KCNIP1: variants seen among roughly 807,000 people sequenced by gnomAD.
The protein encoded by KCNIP1 is potassium voltage-gated channel interacting protein 1.
A neutral mutation model predicts 33.0 loss-of-function variants in KCNIP1; 18 were observed. The ratio of observed to expected loss-of-function variants is 0.55; its 90% CI spans 0.38 to 0.81. KCNIP1 has a LOEUF of 0.81. Ranked by LOEUF, KCNIP1 falls within the 30% of genes least tolerant of loss-of-function variation. The pLI, the probability that KCNIP1 is intolerant of heterozygous loss-of-function variation, is 0.00. For missense variants in KCNIP1, 238 were observed against 271.6 expected (o/e 0.88, Z 0.87); for synonymous variants, 93 against 98.3 (o/e 0.95, Z 0.32).
intron 1 of KCNIP1, among the ~76,000 whole-genome samples, chr5:170,480,644 A>G (rs577230424): frequency 6.6e-6 from 1 of 151,958 alleles, no homozygotes; most frequent in African/African-American, 2.4e-5. Flanking sequence ...GGGTCTCTCC[A>G]TATTTCACAG....
intron 1 of KCNIP1, among the ~76,000 whole-genome samples, chr5:170,484,960 G>T (rs1246069563): frequency 9.0e-6 from 1 of 111,408 alleles, no homozygotes; most frequent in Non-Finnish European, 1.8e-5. Context: ...TTTTTTTTGA[G>T]ATGGAGTTTC....
rs1028778385 is a variant in KCNIP1 at position 170,406,190 on chromosome 5, G to T, written c.88+52226G>T. Among the ~76,000 whole-genome samples the T allele has an allele frequency of 7.2e-5, 11 of 152,318 alleles. No homozygotes were observed. In the South Asian group the frequency reaches 1.0e-3, roughly 14 times the overall value. ...TTTGGCTCTAATATAAGGGAAATTG[G>T]GATCACCATGAGCAGTGAGTTGGTG... On this transcript the variant is annotated intron_variant, in intron 1 of 7. Coordinates refer to the KCNIP1 transcript ENST00000377360.
chr5:170,427,062 G>C (rs1365328001), intron 1 of KCNIP1, among the ~76,000 whole-genome samples: 1 of 152,376 alleles, frequency 6.6e-6, no homozygotes, highest in African/African-American at 2.4e-5. Flanking sequence ...AGGAGGGCTG[G>C]AGCAGGGGCT....
At chr5:170,624,773 G>A (rs1406002242) in intron 1 of KCNIP1, among the ~76,000 whole-genome samples, 1 of 146,850 alleles carries the variant, frequency 6.8e-6, no homozygotes, top group Non-Finnish European at 1.5e-5. Context: ...AGGGGAGTGG[G>A]GGAGAAGGGG....
upstream of KCNIP1, among the ~76,000 whole-genome samples, chr5:170,503,846 C>T (rs961818466): frequency 2.2e-4 from 33 of 152,188 alleles, no homozygotes; most frequent in African/African-American, 7.0e-4. Flanking sequence ...CCGGGTCTGT[C>T]TCTTAGGGTT....
chr5:170,687,626 G>A (rs1581501572), intron 1 of KCNIP1, among the ~76,000 whole-genome samples: 2 of 152,284 alleles, frequency 1.3e-5, no homozygotes, highest in East Asian at 3.9e-4. Context: ...TATTCACTCT[G>A]AGCCATGCCT....
chr5:170,468,832 G>A (rs982369807), intron 1 of KCNIP1, among the ~76,000 whole-genome samples: 2 of 151,646 alleles, frequency 1.3e-5, no homozygotes, highest in African/African-American at 2.4e-5. Context: ...AGCCGAGATC[G>A]CGCCCCTACC....
At chr5:170,392,766 G>T (rs1010551930) in intron 1 of KCNIP1, among the ~76,000 whole-genome samples, 5 of 152,216 alleles carry the variant, frequency 3.3e-5, no homozygotes, top group Non-Finnish European at 7.3e-5. Flanking sequence ...GGAGGTCGCA[G>T]TGAGCTGAGA....
intron 1 of KCNIP1, among the ~76,000 whole-genome samples, chr5:170,398,722 A>C (rs1020012271): frequency 6.6e-6 from 1 of 152,264 alleles, no homozygotes; most frequent in Admixed American, 6.5e-5. Flanking sequence ...TAAGTGGTTC[A>C]GGTCAGGACC....
chr5:170,552,207 C>T (rs1756673646), intron 1 of KCNIP1, among the ~76,000 whole-genome samples: 2 of 152,098 alleles, frequency 1.3e-5, no homozygotes, highest in African/African-American at 4.8e-5. Context: ...CATCTCTTGG[C>T]GTCTGAAATA....
In KCNIP1 at chr5:170,587,900, G is replaced by A. The variant is rs866104041; in HGVS notation, c.61+83267G>A. On this transcript the variant is annotated intron_variant, in intron 1 of 7. Transcript: ENST00000328939. ...ACCTAGCATGGGGGAACCCACTACA[G>A]GCAGGTGTTGTCCTTGCCATCGCCA... Among the ~76,000 whole-genome samples the A allele has an allele frequency of 2.6e-5, 4 of 152,342 alleles. No individual in the cohort carries two copies. In the Middle Eastern group the frequency reaches 0.014, roughly 518 times the overall value.
intron 1 of KCNIP1, among the ~76,000 whole-genome samples, chr5:170,590,835 C>T (rs1385773389): frequency 6.6e-6 from 1 of 152,230 alleles, no homozygotes; most frequent in East Asian, 1.9e-4. Flanking sequence ...ATGTCTGCAT[C>T]TGCATGCATG....
At chr5:170,613,164 C>T (rs1051755470) in intron 1 of KCNIP1, among the ~76,000 whole-genome samples, 1 of 152,218 alleles carries the variant, frequency 6.6e-6, no homozygotes, top group Admixed American at 6.5e-5. Flanking sequence ...GCTTAAATCT[C>T]TCTCCATGTT....
intron 1 of KCNIP1, among the ~76,000 whole-genome samples, chr5:170,682,871 C>T (rs1436345001): frequency 2.1e-5 from 3 of 141,304 alleles, no homozygotes; most frequent in East Asian, 2.4e-4. Flanking sequence ...TCAGGTCATC[C>T]ACCTGCCTTG....
At chr5:170,640,569 G>A (rs917823290) in intron 1 of KCNIP1, among the ~76,000 whole-genome samples, 1 of 152,106 alleles carries the variant, frequency 6.6e-6, no homozygotes, top group East Asian at 1.9e-4. Context: ...TTGTTTAACC[G>A]GTACTTCAGG....
At chr5:170,662,795 G>A (rs1434928110) in intron 1 of KCNIP1, among the ~76,000 whole-genome samples, 1 of 152,140 alleles carries the variant, frequency 6.6e-6, no homozygotes, top group Non-Finnish European at 1.5e-5. Context: ...CTGGCCCAGA[G>A]AATCTTCCTC....
chr5:170,383,817 A>G (rs186269343), intron 1 of KCNIP1: 1 of 1,614,082 alleles, frequency 6.2e-7, no homozygotes, highest in East Asian at 2.2e-5. Context: ...TGTTGGTCTC[A>G]ATCAGGTGGC....
chr5:170,417,733 T>A lies in KCNIP1; in HGVS notation c.88+63769T>A, dbSNP rs560088469. On this transcript the variant is annotated intron_variant, in intron 1 of 7. Coordinates refer to the KCNIP1 transcript ENST00000377360. Reference sequence around the variant, plus strand: ...TCTCTATACGCCACTGACACCTTGATCATGAGTCAAATCACCTGAACATAG... The same window carrying A: ...TCTCTATACGCCACTGACACCTTGAACATGAGTCAAATCACCTGAACATAG... 1.3e-4 allele frequency among the ~76,000 whole-genome samples: 20 copies of A among 152,330 alleles called. No individual in the cohort carries two copies. The South Asian group carries it at 4.1e-3, about 32-fold the overall frequency.
intron 1 of KCNIP1, among the ~76,000 whole-genome samples, chr5:170,695,277 T>G (rs1762853015): frequency 6.6e-6 from 1 of 152,222 alleles, no homozygotes; most frequent in South Asian, 2.1e-4. Flanking sequence ...TCCAGACAGT[T>G]GCAACACTCT....
Sources: allele counts gnomAD v4.1 joint callset (sites outside exome capture counted in the v4.1 genomes callset), GRCh38; gene constraint gnomAD v4.1.1; transcripts MANE v1.5; gene names NCBI Gene and HGNC (gene_info 2026-07-23, HGNC 2026-07-21).